Variants in CAMK2D observed in about 807,000 individuals in gnomAD.
CAMK2D encodes calcium/calmodulin-dependent protein kinase type II subunit delta.
A neutral mutation model predicts 84.0 loss-of-function variants in CAMK2D; 37 were observed. That is an observed-to-expected ratio of 0.44 (90% CI 0.34 to 0.58). The LOEUF (loss-of-function observed/expected upper bound fraction) is 0.58. CAMK2D is among the 20% of genes least tolerant of loss of function. The pLI is 0.02. For missense variants in CAMK2D, 448 were observed against 652.5 expected (o/e 0.69, Z 3.41); for synonymous variants, 202 against 212.5 (o/e 0.95, Z 0.43).
chr4:113,730,749 A>C (rs112144617), intron 2 of CAMK2D, among the ~76,000 whole-genome samples: 13 of 152,340 alleles, frequency 8.5e-5, no homozygotes, highest in African/African-American at 2.9e-4. Context: ...CCCTCACAGC[A>C]ACTTTCTTCC....
chr4:113,612,606 C>T (rs967174819), intron 3 of CAMK2D, among the ~76,000 whole-genome samples: 1 of 152,058 alleles, frequency 6.6e-6, no homozygotes, highest in Non-Finnish European at 1.5e-5. Context: ...ACAGTTGTCC[C>T]TATGACGTTT....
intron 3 of CAMK2D, among the ~76,000 whole-genome samples, chr4:113,643,660 C>T (rs2099140857): frequency 6.6e-6 from 1 of 152,224 alleles, no homozygotes; most frequent in African/African-American, 2.4e-5. Flanking sequence ...TCAGTATCTC[C>T]CACGCTTAGC....
rs2099385982 is a variant in CAMK2D, at chr4:113,691,174, T to C, written c.161-29402A>G. ...AAGGGTAGAACACCCTCCATTAATA[T>C]TAAAAAGACATACGTCACCCATTAC... On this transcript the variant is annotated intron_variant, in intron 2 of 20. Coordinates refer to ENST00000511664, the MANE Select transcript of CAMK2D (RefSeq NM_001321571.2). Among the ~76,000 whole-genome samples, 3 of 152,254 alleles carry C rather than the reference T, an allele frequency of 2.0e-5. No individual in the cohort carries two copies. In the South Asian group the frequency reaches 6.2e-4, roughly 32 times the overall value.
chr4:113,607,348 G>T (rs562855619), intron 4 of CAMK2D, among the ~76,000 whole-genome samples: 1 of 152,190 alleles, frequency 6.6e-6, no homozygotes, highest in Admixed American at 6.5e-5. Flanking sequence ...CAGAAGTAGC[G>T]CTTTAGTCTC....
At chr4:113,595,605 A>G (rs1372545799) in intron 4 of CAMK2D, among the ~76,000 whole-genome samples, 1 of 152,174 alleles carries the variant, frequency 6.6e-6, no homozygotes, top group African/African-American at 2.4e-5. Flanking sequence ...TCAGTTCCAC[A>G]CCACCACAAT....
At chr4:113,592,569 T>C (rs2098895078) in intron 4 of CAMK2D, among the ~76,000 whole-genome samples, 2 of 152,172 alleles carry the variant, frequency 1.3e-5, no homozygotes, top group East Asian at 3.9e-4. Context: ...ACAAAAGAGG[T>C]AGTAAATCTC....
intron 3 of CAMK2D, among the ~76,000 whole-genome samples, chr4:113,651,694 A>G (rs1453704134): frequency 1.3e-5 from 2 of 152,178 alleles, no homozygotes; most frequent in Non-Finnish European, 2.9e-5. Flanking sequence ...CATACATTGT[A>G]CAAATTATAT....
intron 4 of CAMK2D, among the ~76,000 whole-genome samples, chr4:113,598,101 G>T (rs529690363): frequency 1.9e-3 from 284 of 152,242 alleles, no homozygotes; most frequent in African/African-American, 6.5e-3. Context: ...AAAGAACAAA[G>T]ATAGAAGACT....
At chr4:113,719,320 G>A (rs1460587717) in intron 2 of CAMK2D, among the ~76,000 whole-genome samples, 1 of 152,158 alleles carries the variant, frequency 6.6e-6, no homozygotes, top group Non-Finnish European at 1.5e-5. Flanking sequence ...GGCCAACATG[G>A]TAAGTCCCCT....
At chr4:113,740,280 T>A (rs1461425979) in intron 2 of CAMK2D, among the ~76,000 whole-genome samples, 1 of 152,044 alleles carries the variant, frequency 6.6e-6, no homozygotes, top group South Asian at 2.1e-4. Flanking sequence ...GATGAACTGA[T>A]AAACAAAATG....
chr4:113,509,612 G>A (rs1378021040), intron 13 of CAMK2D, 26 bp downstream of exon 13: 1 of 1,489,036 alleles, frequency 6.7e-7, no homozygotes, highest in African/African-American at 1.4e-5. Flanking sequence ...AGTCAGAAAT[G>A]GATTAGGGGC....
chr4:113,557,457 T>G (rs2154207935), intron 4 of CAMK2D, among the ~76,000 whole-genome samples: 1 of 152,312 alleles, frequency 6.6e-6, no homozygotes, highest in South Asian at 2.1e-4. Flanking sequence ...CCCTAGGGCC[T>G]TTTCACATGC....
chr4:113,651,265 T>C (rs1199169233), intron 3 of CAMK2D, among the ~76,000 whole-genome samples: 3 of 152,280 alleles, frequency 2.0e-5, no homozygotes, highest in South Asian at 4.1e-4. Context: ...CATAAATCCA[T>C]GGTGAGCTCA....
intron 4 of CAMK2D, among the ~76,000 whole-genome samples, chr4:113,564,553 A>C (rs920582763): frequency 1.3e-5 from 2 of 151,974 alleles, no homozygotes; most frequent in African/African-American, 4.8e-5. Context: ...CTCCTACTAA[A>C]CCTCAAGATA....
intron 16 of CAMK2D, among the ~76,000 whole-genome samples, chr4:113,489,305 A>G: frequency 8.7e-6 from 1 of 114,910 alleles, no homozygotes; most frequent in Non-Finnish European, 1.7e-5. Context: ...CCACCCCACA[A>G]CAGTCCCCAG....
chr4:113,642,252 AT>A (rs1322860132), intron 3 of CAMK2D, among the ~76,000 whole-genome samples: 1 of 152,158 alleles, frequency 6.6e-6, no homozygotes, highest in Admixed American at 6.5e-5. Context: ...AGGAAACAAG[AT>A]TAGTTTTCAG....
intron 6 of CAMK2D, among the ~76,000 whole-genome samples, chr4:113,541,213 C>T (rs1179652637): frequency 2.6e-5 from 4 of 152,134 alleles, no homozygotes; most frequent in African/African-American, 9.7e-5. Context: ...TCCGTTTCTA[C>T]ATGAGGTAGG....
In CAMK2D at chr4:113,534,224, C is replaced by T. The variant is rs1323927183; in HGVS notation, c.518-2925G>A. On this transcript the variant is annotated intron_variant, in intron 7 of 20. Transcript: ENST00000511664. ...ACAGGTCATTCATTATTAAAACATG[C>T]CTTTACTCCTAATACTTAAAATATA... Among the ~76,000 whole-genome samples the T allele has an allele frequency of 2.6e-5, 4 of 152,012 alleles. No individual in the cohort carries two copies. The East Asian group carries it at 5.8e-4, about 22-fold the overall frequency.
chr4:113,717,358 C>T (rs1055864698), intron 2 of CAMK2D, among the ~76,000 whole-genome samples: 1 of 151,618 alleles, frequency 6.6e-6, no homozygotes, highest in Non-Finnish European at 1.5e-5. Flanking sequence ...GGTCTCTACC[C>T]AATATGAGTT....
Sources: gnomAD v4.1 joint callset for allele counts (sites outside exome capture counted in the v4.1 genomes callset) on GRCh38, gnomAD v4.1.1 for gene constraint, MANE v1.5 for transcripts, NCBI Gene and HGNC (gene_info 2026-07-23, HGNC 2026-07-21) for gene names.